The following PRKCB variants were observed in gnomAD, a reference collection of about 807,000 sequenced individuals.
The protein encoded by PRKCB is protein kinase C beta type.
PRKCB carries 13 observed loss-of-function variants against 81.5 expected under a neutral mutation model. That is an observed-to-expected ratio of 0.16 (90% CI 0.10 to 0.25). The LOEUF is 0.25. PRKCB is among the 10% of genes least tolerant of loss of function. The pLI is 1.00. For synonymous variants in PRKCB, 335 were observed against 321.4 expected (o/e 1.04, Z -0.45); for missense variants, 509 against 875.7 (o/e 0.58, Z 5.29).
chr16:24,118,860 A>G (rs1372607305), intron 8 of PRKCB, among the ~76,000 whole-genome samples: 1 of 152,124 alleles, frequency 6.6e-6, no homozygotes, highest in Non-Finnish European at 1.5e-5. Flanking sequence ...CCTTGGAACA[A>G]TGGGATATTT....
At chr16:24,171,406 G>A (rs1187748827) in intron 10 of PRKCB, among the ~76,000 whole-genome samples, 1 of 152,162 alleles carries the variant, frequency 6.6e-6, no homozygotes, top group Non-Finnish European at 1.5e-5. Context: ...GAGCAGGGTG[G>A]AAGTTGTAGG....
At chr16:23,986,231 T>A (rs1367634697) in intron 2 of PRKCB, among the ~76,000 whole-genome samples, 2 of 152,176 alleles carry the variant, frequency 1.3e-5, no homozygotes, top group East Asian at 1.9e-4. Context: ...AAGGAATACA[T>A]AGTAGTTTTT....
At chr16:24,028,807 T>G (rs35435408) in intron 3 of PRKCB, among the ~76,000 whole-genome samples, 61,531 of 151,752 alleles carry the variant, frequency 0.41, 12,777 homozygotes, top group South Asian at 0.62. Context: ...GGTTGTTGTT[T>G]TTTTTTTTTC....
At position 23,896,139 on chromosome 16, in the gene PRKCB, A is replaced by C. The variant is rs146597411; in HGVS notation, c.205+58733A>C. Among the ~76,000 whole-genome samples the C allele has an allele frequency of 1.2e-3, 175 of 150,160 alleles. 1 individual carries two copies. The highest frequency in any genetic ancestry group is 2.3e-3 in the Non-Finnish European group (154 of 67,704). On this transcript the variant is annotated intron_variant, in intron 2 of 16. Transcript: ENST00000643927. ...GTTTACTTCTTTCTTCTCCCAATCC[A>C]CTTTCCTGCCTTTGAAGATTTTAGA...
At chr16:24,071,101 G>A (rs2141884691) in intron 5 of PRKCB, among the ~76,000 whole-genome samples, 3 of 152,262 alleles carry the variant, frequency 2.0e-5, no homozygotes, top group Middle Eastern at 6.8e-3. Flanking sequence ...CTCCAGGGCT[G>A]ATGTGAGGAT....
chr16:23,982,763 G>C (rs1469610483), intron 2 of PRKCB, among the ~76,000 whole-genome samples: 2 of 152,160 alleles, frequency 1.3e-5, no homozygotes, highest in East Asian at 3.9e-4. Context: ...TGTAATAAGG[G>C]AGGGTGGGAG....
At chr16:24,083,931 A>G (rs1182848466) in intron 5 of PRKCB, among the ~76,000 whole-genome samples, 2 of 152,198 alleles carry the variant, frequency 1.3e-5, no homozygotes, top group East Asian at 3.8e-4. Context: ...AGAGAAAAGA[A>G]GGCAATAGTC....
chr16:24,189,386 C>A (rs1219800173), intron 15 of PRKCB, among the ~76,000 whole-genome samples: 3 of 152,088 alleles, frequency 2.0e-5, no homozygotes, highest in Non-Finnish European at 4.4e-5. Flanking sequence ...TGCCTGTAAT[C>A]CCAGCACTTT....
At chr16:24,174,493 G>C in intron 11 of PRKCB, 25 bp from the exon 12 acceptor site, 1 of 1,374,786 alleles carries the variant, frequency 7.3e-7, no homozygotes, top group Non-Finnish European at 1.0e-6. Flanking sequence ...TTTCTCCATC[G>C]CTTTTTTTTT....
chr16:23,911,734 T>C (rs1454808028), intron 2 of PRKCB, among the ~76,000 whole-genome samples: 2 of 151,988 alleles, frequency 1.3e-5, no homozygotes, highest in Non-Finnish European at 2.9e-5. Flanking sequence ...GGAGCCTCAG[T>C]GCAGCCACGC....
chr16:23,883,646 T>C (rs1963156803), intron 2 of PRKCB, among the ~76,000 whole-genome samples: 1 of 152,178 alleles, frequency 6.6e-6, no homozygotes, highest in Admixed American at 6.5e-5. Flanking sequence ...GGTGTCTTTG[T>C]CTGCACGGGC....
At chr16:23,996,693 A>G (rs1402849480) in intron 3 of PRKCB, among the ~76,000 whole-genome samples, 1 of 152,230 alleles carries the variant, frequency 6.6e-6, no homozygotes, top group African/African-American at 2.4e-5. Flanking sequence ...TGTCTGATCA[A>G]AGAAATCACT....
intron 2 of PRKCB, among the ~76,000 whole-genome samples, chr16:23,985,886 T>C (rs540992701): frequency 2.0e-5 from 3 of 152,192 alleles, no homozygotes; most frequent in South Asian, 4.1e-4. Context: ...TGGCACAGAA[T>C]AGAAGGCCCA....
At chr16:23,848,096 T>G (rs569561709) in intron 2 of PRKCB, among the ~76,000 whole-genome samples, 1 of 151,916 alleles carries the variant, frequency 6.6e-6, no homozygotes, top group Non-Finnish European at 1.5e-5. Context: ...ATAGGGCACA[T>G]GCAGGGAACA....
chr16:23,870,980 C>A (rs1174794016), intron 2 of PRKCB, among the ~76,000 whole-genome samples: 1 of 152,200 alleles, frequency 6.6e-6, no homozygotes, highest in Non-Finnish European at 1.5e-5. Flanking sequence ...GGGCCTGGAC[C>A]CCGTGGGTCT....
intron 2 of PRKCB, among the ~76,000 whole-genome samples, chr16:23,876,357 A>G (rs1186890823): frequency 6.6e-6 from 1 of 152,242 alleles, no homozygotes; most frequent in Non-Finnish European, 1.5e-5. Context: ...AGAAGACAGC[A>G]TATTTTCCGT....
At chr16:24,214,101 T>C (rs535201998) in intron 16 of PRKCB, among the ~76,000 whole-genome samples, 30 of 152,324 alleles carry the variant, frequency 2.0e-4, no homozygotes, top group African/African-American at 7.2e-4. Flanking sequence ...CACTGGGATC[T>C]TCCTCCAGTG....
intron 7 of PRKCB, chr16:24,111,334 T>C (rs1966673721): frequency 6.6e-6 from 1 of 152,230 alleles, no homozygotes; most frequent in South Asian, 2.1e-4. Flanking sequence ...TGGTTAGGAA[T>C]GATCTTTGAG....
intron 3 of PRKCB, among the ~76,000 whole-genome samples, chr16:24,016,226 C>A (rs937501798): frequency 6.6e-6 from 1 of 152,132 alleles, no homozygotes; most frequent in Non-Finnish European, 1.5e-5. Flanking sequence ...TTTTAACCAA[C>A]GTTTTGAGAA....
Sources: gnomAD v4.1 joint callset for allele counts (sites outside exome capture counted in the v4.1 genomes callset) on GRCh38, gnomAD v4.1.1 for gene constraint, MANE v1.5 for transcripts, NCBI Gene and HGNC (gene_info 2026-07-23, HGNC 2026-07-21) for gene names.